The following TUSC3 variants were observed in gnomAD, a reference collection of about 807,000 sequenced individuals.
TUSC3 encodes dolichyl-diphosphooligosaccharide--protein glycosyltransferase subunit TUSC3.
A neutral mutation model predicts 44.8 loss-of-function variants in TUSC3; 45 were observed. The ratio of observed to expected loss-of-function variants is 1.00; its 90% CI spans 0.79 to 1.29. The LOEUF (loss-of-function observed/expected upper bound fraction) is 1.29, where lower values mean the gene tolerates loss of function less well. Among genes scored for constraint, TUSC3 ranks in the 50% most tolerant of loss-of-function variants. The pLI is 0.00. For synonymous variants in TUSC3, 212 were observed against 152.9 expected (o/e 1.39, Z -2.85); for missense variants, 519 against 437.9 (o/e 1.19, Z -1.65).
At chr8:15,735,659 A>T (rs1327578144) in intron 7 of TUSC3, among the ~76,000 whole-genome samples, 1 of 152,130 alleles carries the variant, frequency 6.6e-6, no homozygotes, top group South Asian at 2.1e-4. Context: ...ATCTGAAAAG[A>T]TCATCATAAT....
intron 10 of TUSC3, among the ~76,000 whole-genome samples, chr8:15,761,329 A>G (rs1341532152): frequency 6.6e-6 from 1 of 152,160 alleles, no homozygotes; most frequent in Non-Finnish European, 1.5e-5. Context: ...TTCTTTGTGT[A>G]AACAGTCTCT....
chr8:15,496,803 A>C (rs1209620239), intron 2 of TUSC3, among the ~76,000 whole-genome samples: 2 of 152,120 alleles, frequency 1.3e-5, no homozygotes, highest in African/African-American at 4.8e-5. Context: ...TATTTCTCAC[A>C]CTCACGATAC....
At chr8:15,656,581 T>C (rs1807176223) in intron 3 of TUSC3, among the ~76,000 whole-genome samples, 1 of 152,160 alleles carries the variant, frequency 6.6e-6, no homozygotes, top group African/African-American at 2.4e-5. Context: ...CTCAAGGCCT[T>C]GGGCAGCCCC....
At chr8:15,703,579 G>A (rs918305631) in intron 6 of TUSC3, among the ~76,000 whole-genome samples, 4 of 152,140 alleles carry the variant, frequency 2.6e-5, no homozygotes, top group Non-Finnish European at 5.9e-5. Flanking sequence ...CATTCTGCAG[G>A]CAGTACAAGA....
intron 1 of TUSC3, among the ~76,000 whole-genome samples, chr8:15,590,572 C>T (rs1563307127): frequency 1.3e-5 from 2 of 152,038 alleles, no homozygotes; most frequent in South Asian, 4.1e-4. Context: ...AGGAATTTCC[C>T]TGAACACCAC....
intron 6 of TUSC3, among the ~76,000 whole-genome samples, chr8:15,693,466 A>T (rs1165544380): frequency 1.8e-4 from 6 of 34,020 alleles, no homozygotes; most frequent in Non-Finnish European, 1.7e-4. Context: ...TTTTTTTTTT[A>T]AAGAATGCTG....
At chr8:15,799,376 T>G in the TUSC3 span, among the ~76,000 whole-genome samples, 9 of 151,748 alleles carry the variant, frequency 5.9e-5, no homozygotes, top group African/African-American at 2.2e-4. Context: ...CAGAAAGGGG[T>G]GGACATTTTT....
chr8:15,689,862 G>GTGTGTGTGTGTAAATA (rs1398269685), intron 6 of TUSC3, among the ~76,000 whole-genome samples: 2 of 23,928 alleles, frequency 8.4e-5, no homozygotes, highest in African/African-American at 2.9e-4. Context: ...GTGTGTGTGT[G>GTGTGTGTGTGTAAATA]TATAAATATA....
At chr8:15,663,780 C>A (rs1484363076) in intron 5 of TUSC3, among the ~76,000 whole-genome samples, 1 of 151,826 alleles carries the variant, frequency 6.6e-6, no homozygotes, top group Non-Finnish European at 1.5e-5. Flanking sequence ...TCATTAAGTT[C>A]AAAAGTGTTT....
At chr8:15,796,884 A>G in the TUSC3 span, among the ~76,000 whole-genome samples, 1 of 152,180 alleles carries the variant, frequency 6.6e-6, no homozygotes, top group Non-Finnish European at 1.5e-5. Context: ...CAATGTGGAT[A>G]TCAGACCAGC....
At chr8:15,552,895 G>A (rs569967320) in intron 1 of TUSC3, among the ~76,000 whole-genome samples, 14 of 151,796 alleles carry the variant, frequency 9.2e-5, no homozygotes, top group African/African-American at 3.1e-4. Flanking sequence ...GTCAAAGTGA[G>A]AGGTAATGAT....
At position 15,567,370 on chromosome 8, in the gene TUSC3, C is replaced by T. The variant is rs1329346592; in HGVS notation, c.138+26802C>T. On this transcript the variant is annotated intron_variant, in intron 1 of 10. Transcript: ENST00000503731. ...AGCACAGTAGTTTAAAACGTTTTCTCATCAAATATTAGCATAAGATCCTTT... is the reference window on the plus strand; with the variant it reads ...AGCACAGTAGTTTAAAACGTTTTCTTATCAAATATTAGCATAAGATCCTTT... Among the ~76,000 whole-genome samples the T allele has an allele frequency of 3.9e-5, 6 of 152,120 alleles. 1 individual carries two copies. The highest frequency in any genetic ancestry group is 3.3e-4 in the Admixed American group (5 of 15,274).
intron 1 of TUSC3, among the ~76,000 whole-genome samples, chr8:15,552,961 T>G (rs1802109688): frequency 6.6e-6 from 1 of 151,610 alleles, no homozygotes; most frequent in South Asian, 2.1e-4. Context: ...ATTCCAGAGT[T>G]GTTTAGGAGC....
the TUSC3 span, among the ~76,000 whole-genome samples, chr8:15,833,158 G>C: frequency 6.6e-6 from 1 of 152,096 alleles, no homozygotes; most frequent in Non-Finnish European, 1.5e-5. Context: ...ACCACAATGA[G>C]ATACTATCTC....
the TUSC3 span, among the ~76,000 whole-genome samples, chr8:15,805,243 G>C: frequency 1.3e-5 from 2 of 152,064 alleles, no homozygotes; most frequent in African/African-American, 2.4e-5. Context: ...GGAGTCTTTA[G>C]GGTTTTCTAG....
chr8:15,435,489 T>G (rs2129117529), intron 1 of TUSC3, among the ~76,000 whole-genome samples: 1 of 152,340 alleles, frequency 6.6e-6, no homozygotes, highest in African/African-American at 2.4e-5. Context: ...ACATTGATGA[T>G]GCATGCATAT....
At chr8:15,813,232 T>G in the TUSC3 span, among the ~76,000 whole-genome samples, 1 of 152,200 alleles carries the variant, frequency 6.6e-6, no homozygotes, top group Non-Finnish European at 1.5e-5. Flanking sequence ...ATCAGCCAAG[T>G]AAAATGCAGT....
chr8:15,440,456 A>G (rs2129118366), intron 1 of TUSC3, among the ~76,000 whole-genome samples: 1 of 152,344 alleles, frequency 6.6e-6, no homozygotes, highest in African/African-American at 2.4e-5. Flanking sequence ...AAGGATTTAA[A>G]GCAGAGAATA....
At chr8:15,786,351 T>C in the TUSC3 span, among the ~76,000 whole-genome samples, 3 of 152,228 alleles carry the variant, frequency 2.0e-5, no homozygotes, top group Non-Finnish European at 2.9e-5. Context: ...AAAGGTACAG[T>C]CTGTCTCTAT....
Sources: gnomAD v4.1 joint callset for allele counts (sites outside exome capture counted in the v4.1 genomes callset) on GRCh38, gnomAD v4.1.1 for gene constraint, MANE v1.5 for transcripts, NCBI Gene and HGNC (gene_info 2026-07-23, HGNC 2026-07-21) for gene names.